Variants in BFAR observed in about 807,000 individuals in gnomAD.
BFAR encodes the protein RING finger protein 47.
A neutral mutation model predicts 54.4 loss-of-function variants in BFAR; 52 were observed. The observed-to-expected ratio is 0.96, with a 90% CI of 0.77 to 1.21. BFAR has a LOEUF of 1.21. BFAR is among the 50% of genes most tolerant of loss of function. BFAR has a pLI of 0.00. For missense variants in BFAR, 571 were observed against 534.0 expected, an observed-to-expected ratio of 1.07 and a Z score of -0.68; for synonymous variants, 215 against 204.3, an observed-to-expected ratio of 1.05 and a Z score of -0.45.
At chr16:14,661,392 CTTTTTTTTTTTTTTT>C (rs774393097) in intron 5 of BFAR, among the ~76,000 whole-genome samples, 4 of 65,076 alleles carry the variant, frequency 6.1e-5, no homozygotes, top group East Asian at 1.1e-3. Flanking sequence ...GAGATTGGAT[CTTTTTTTTTTTTTTT>C]TTTTTTTTTT....
rs796842531 is a variant in BFAR at position 14,659,349 on chromosome 16, C to G, written c.784-2543C>G. ...CTCCACCTCCCAGGTTCAAGCGATT[C>G]TCCTGCCTCAGCCTCCCAAGTAGCT... On this transcript the variant is annotated intron_variant, in intron 5 of 7. Transcript: ENST00000261658. Among the ~76,000 whole-genome samples the G allele has an allele frequency of 3.3e-5, 5 of 151,646 alleles. No homozygotes were observed. In the South Asian group the frequency reaches 1.0e-3, roughly 32 times the overall value.
chr16:14,654,851 T>TA (rs1281722189), intron 4 of BFAR, among the ~76,000 whole-genome samples: 2 of 152,204 alleles, frequency 1.3e-5, no homozygotes. Flanking sequence ...GAATAATTGT[T>TA]ATATGGATCA....
intron 4 of BFAR, 46 bp downstream of exon 4, chr16:14,650,019 A>G (rs1473754582): frequency 6.5e-7 from 1 of 1,547,256 alleles, no homozygotes; most frequent in Admixed American, 1.9e-5. Context: ...TTTAGAAAAC[A>G]GCTTTCTTGA....
In BFAR at chr16:14,646,741, G is replaced by A. The variant is rs896152179; in HGVS notation, c.264-1647G>A. On this transcript the variant is annotated intron_variant, in intron 2 of 7. Transcript: ENST00000261658. ...TCATACTCCCGACCTCAGGTGATCC[G>A]CCCGCCTCAGCCTCCCAAAGTGCTG... Among the ~76,000 whole-genome samples, 97 of 151,390 alleles carry A rather than the reference G, an allele frequency of 6.4e-4. 1 individual carries two copies. Among genetic ancestry groups the A allele is most frequent in the Non-Finnish European group, 2.7e-4 (18 of 67,850 alleles).
intron 5 of BFAR, among the ~76,000 whole-genome samples, chr16:14,659,300 G>A (rs1320549924): frequency 6.7e-6 from 1 of 149,824 alleles, no homozygotes; most frequent in Non-Finnish European, 1.5e-5. Context: ...GGAGTGCAGT[G>A]GCATGATCTT....
intron 1 of BFAR, among the ~76,000 whole-genome samples, chr16:14,636,583 A>G (rs1959450318): frequency 6.6e-6 from 1 of 152,194 alleles, no homozygotes; most frequent in African/African-American, 2.4e-5. Flanking sequence ...ATACCAAGAC[A>G]TTCCATTGCC....
intron 1 of BFAR, among the ~76,000 whole-genome samples, chr16:14,641,401 C>CA (rs1959622649): frequency 6.6e-6 from 1 of 152,132 alleles, no homozygotes; most frequent in African/African-American, 2.4e-5. Flanking sequence ...GAGGCCTTCT[C>CA]AAAGAGGCCT....
intron 4 of BFAR, 43 bp downstream of exon 4, chr16:14,650,016 A>G (rs1182019434): frequency 6.4e-7 from 1 of 1,552,508 alleles, no homozygotes. Flanking sequence ...CATTTTAGAA[A>G]ACAGCTTTCT....
rs765257879 is a variant in BFAR at position 14,644,597 on chromosome 16, G to A, written c.251G>A (p.Ser84Asn). 1.2e-6 allele frequency: 2 copies of A among 1,611,476 alleles called. No homozygotes were observed. The highest frequency in any genetic ancestry group is 1.7e-5 in the Admixed American group (1 of 59,900). ...REKWEGFPKV[S>N]ILLRDAIEKL... Reference sequence around the variant, plus strand: ...AAATGGGAAGGTTTCCCCAAAGTCAGTATTCTCCTCAGGTAATGTTCAGCC... The same window carrying A: ...AAATGGGAAGGTTTCCCCAAAGTCAATATTCTCCTCAGGTAATGTTCAGCC... The change falls in exon 2 of 8, where the codon AGT (serine) becomes AAT (asparagine). Residue 84 changes from serine (S) to asparagine (N), a missense_variant. By Grantham distance (46) the Ser-to-Asn change is conservative. Transcript: ENST00000261658.
Position 14,668,806 on chromosome 16 carries a change from A to C in BFAR, c.*979A>C, listed in dbSNP as rs1020243592. ...GAGGGAGACTGCACCACTGCACTTC[A>C]GCCTGGGTGACAGAGGGAGACTCTG... On this transcript the variant is annotated 3_prime_UTR_variant, in exon 8 of 8. Coordinates refer to ENST00000261658, the MANE Select transcript of BFAR (RefSeq NM_016561.3). 1 of 174,688 alleles carries C rather than the reference A, an allele frequency of 5.7e-6. No homozygotes were observed. Among genetic ancestry groups the C allele is most frequent in the Non-Finnish European group, 1.2e-5 (1 of 81,090 alleles). 10.8% of individuals were successfully genotyped at this position (174,688 alleles called of 1,614,324 possible). A position where few individuals can be genotyped will look rare whatever the true frequency, so the allele number is the denominator to read the frequency against.
rs1444015887 is a variant in BFAR at position 14,644,628 on chromosome 16, T to A, written c.263+19T>A. 6.2e-6 allele frequency: 10 copies of A among 1,605,064 alleles called. No homozygotes were observed. The highest frequency in any genetic ancestry group is 7.6e-6 in the Non-Finnish European group (9 of 1,176,780). ...TCCTCAGGTAATGTTCAGCCTATAT[T>A]GGTAGCACAAACAGCCCATAAAATG... On this transcript the variant is annotated intron_variant, in intron 2 of 7. Transcript: ENST00000261658.
intron 1 of BFAR, chr16:14,643,674 G>C (rs1346816735): frequency 6.6e-6 from 1 of 152,198 alleles, no homozygotes; most frequent in African/African-American, 2.4e-5. Context: ...GGAGGGTGAG[G>C]TGGAGGATCA....
chr16:14,661,779 T>C, intron 5 of BFAR, 113 bp from the exon 6 acceptor site: 1 of 1,144,708 alleles, frequency 8.7e-7, no homozygotes, highest in East Asian at 2.4e-5. Context: ...CATTCATGCA[T>C]TGTGTGTACC....
chr16:14,664,832 C>T (rs1271535059), intron 6 of BFAR, 37 bp from the exon 7 acceptor site: 1 of 1,562,244 alleles, frequency 6.4e-7, no homozygotes, highest in Non-Finnish European at 8.8e-7. Context: ...AAAAGTCAGT[C>T]CTCATGACTT....
intron 1 of BFAR, among the ~76,000 whole-genome samples, chr16:14,643,201 T>G (rs1226457282): frequency 6.6e-6 from 1 of 152,040 alleles, no homozygotes; most frequent in Non-Finnish European, 1.5e-5. Flanking sequence ...TAATCCCAGC[T>G]ACTTGGGAGG....
chr16:14,655,085 G>A lies in BFAR; in HGVS notation c.658G>A (p.Glu220Lys). The change falls in exon 5 of 8, where the codon GAG becomes AAG. Residue 220 changes from glutamate to lysine, a missense_variant. Physicochemically the swap from Glu to Lys is moderately conservative, Grantham distance 56. Coordinates refer to ENST00000261658, the MANE Select transcript of BFAR (RefSeq NM_016561.3). ...VNGRLLLTLTEEEFSKTPYTI... is the reference protein window; with the variant it reads ...VNGRLLLTLTKEEFSKTPYTI... ...CTACAGGTTGCTTTTAACTTTGACA[G>A]AGGAAGAATTTTCCAAGACGCCCTA... is the stretch of plus-strand genomic sequence containing the variant. The A allele has an allele frequency of 6.2e-7, 1 of 1,609,426 alleles. No homozygotes were observed. The highest frequency in any genetic ancestry group is 8.5e-7 in the Non-Finnish European group (1 of 1,178,562).
At position 14,648,562 on chromosome 16, in the gene BFAR, C is replaced by T. The variant is rs998887516; in HGVS notation, c.438C>T (p.Ser146=). 9.3e-6 allele frequency: 15 copies of T among 1,613,770 alleles called. No individual in the cohort carries two copies. The highest frequency in any genetic ancestry group is 7.7e-5 in the South Asian group (7 of 91,066). The change falls in exon 3 of 8, where the codon TCC becomes TCT. Residue 146 remains serine, a synonymous_variant. Transcript: ENST00000261658. The stretch of plus-strand genomic sequence containing the variant: ...AGCAGATGGGAGGGGGATTCTTTTC[C>T]GGTGTGCTCACAGCTTTAACTGGAG... ...ANQQMGGGFF[S]GVLTALTGVA... is the part of the protein sequence containing the mutation.
At chr16:14,646,189 G>T (rs866096742) in intron 2 of BFAR, among the ~76,000 whole-genome samples, 1 of 152,184 alleles carries the variant, frequency 6.6e-6, no homozygotes, top group Admixed American at 6.6e-5. Flanking sequence ...TAATAGCTGG[G>T]ATTACAGGCA....
chr16:14,659,948 C>T (rs1960244295), intron 5 of BFAR, among the ~76,000 whole-genome samples: 1 of 152,170 alleles, frequency 6.6e-6, no homozygotes, highest in Non-Finnish European at 1.5e-5. Context: ...ATAGCATCAG[C>T]TAAATTGAAT....
Sources: allele counts gnomAD v4.1 joint callset (sites outside exome capture counted in the v4.1 genomes callset), GRCh38; gene constraint gnomAD v4.1.1; transcripts MANE v1.5; gene names NCBI Gene and HGNC (gene_info 2026-07-23, HGNC 2026-07-21).